The following DPYSL3 variants were observed in gnomAD, a reference collection of about 807,000 sequenced individuals.
DPYSL3 encodes dihydropyrimidinase like 3.
Under a neutral mutation model 66.1 loss-of-function variants are expected in DPYSL3, and 16 were observed. The observed-to-expected ratio is 0.24, with a 90% CI of 0.16 to 0.37. DPYSL3 has a LOEUF of 0.37. Ranked by LOEUF, DPYSL3 falls within the 10% of genes least tolerant of loss-of-function variation. The probability of loss-of-function intolerance (pLI) is 1.00; values close to 1 mark genes in which losing one functional copy is unlikely to be tolerated. For missense variants in DPYSL3, 738 were observed against 916.2 expected (o/e 0.81, Z 2.51); for synonymous variants, 338 against 345.1 (o/e 0.98, Z 0.23).
intron 1 of DPYSL3, among the ~76,000 whole-genome samples, chr5:147,459,235 T>C (rs1383107816): frequency 6.6e-6 from 1 of 152,140 alleles, no homozygotes; most frequent in Admixed American, 6.5e-5. Context: ...AAAAATACAT[T>C]TATATGTTGC....
chr5:147,447,444 G>A (rs1469332018), intron 1 of DPYSL3, among the ~76,000 whole-genome samples: 1 of 152,168 alleles, frequency 6.6e-6, no homozygotes, highest in African/African-American at 2.4e-5. Context: ...GAAAATACAG[G>A]AGTCGATTTC....
chr5:147,497,210 T>C (rs1486913123), intron 1 of DPYSL3, among the ~76,000 whole-genome samples: 1 of 122,104 alleles, frequency 8.2e-6, no homozygotes, highest in Non-Finnish European at 1.6e-5. Context: ...TAAGAACACA[T>C]GGACACAGGA....
intron 1 of DPYSL3, among the ~76,000 whole-genome samples, chr5:147,428,994 A>C (rs1338362446): frequency 6.6e-6 from 1 of 152,232 alleles, no homozygotes; most frequent in African/African-American, 2.4e-5. Flanking sequence ...TCAGTGATGA[A>C]TATGGCTCAG....
chr5:147,465,224 C>T (rs1752992487), intron 1 of DPYSL3, among the ~76,000 whole-genome samples: 1 of 152,178 alleles, frequency 6.6e-6, no homozygotes, highest in East Asian at 1.9e-4. Context: ...AAACAAAAAA[C>T]AAAACAACAA....
chr5:147,465,170 G>A (rs1752992078), intron 1 of DPYSL3, among the ~76,000 whole-genome samples: 1 of 152,120 alleles, frequency 6.6e-6, no homozygotes, highest in African/African-American at 2.4e-5. Flanking sequence ...CTCCAGCCTG[G>A]ACAAGAAAGT....
In DPYSL3 at chr5:147,504,073, C is replaced by T. The variant is rs546058866; in HGVS notation, c.381+5405G>A. Among the ~76,000 whole-genome samples the T allele has an allele frequency of 1.4e-4, 22 of 152,330 alleles. 2 individuals are homozygous for T. The highest frequency in any genetic ancestry group is 1.2e-3 in the Admixed American group (19 of 15,298). ...TTGCAGTCACAGATTGCATCCTCCT[C>T]AGACAGATTTCCTCTTCCTTGTAAG... is the stretch of plus-strand genomic sequence containing the variant. On this transcript the variant is annotated intron_variant, in intron 1 of 13. Transcript: ENST00000343218.
rs1318675516 is a variant in DPYSL3, at chr5:147,408,664, C to T, written c.1032+64G>A. ...AATACTGCAACCTGGTACTCACATT[C>T]TCGTCGCCTTTTAACAATGTTTATT... On this transcript the variant is annotated intron_variant, in intron 7 of 13. Transcript: ENST00000343218. 4 of 1,558,142 alleles carry T rather than the reference C, an allele frequency of 2.6e-6. No individual in the cohort carries two copies. In the African/African-American group the frequency reaches 5.4e-5, roughly 21 times the overall value.
chr5:147,509,206 G>A lies in DPYSL3; in HGVS notation c.381+272C>T, dbSNP rs1037437328. The stretch of plus-strand genomic sequence containing the variant: ...CCCAGACCGGATGGCCCAGGAGTGC[G>A]GCGAGGAGGCAGGGGCAAAGGACGC... On this transcript the variant is annotated intron_variant, in intron 1 of 13. Coordinates refer to ENST00000343218, the MANE Select transcript of DPYSL3 (RefSeq NM_001197294.2). The surrounding 1 kb of genome is among the most constrained non-coding windows in gnomAD (Gnocchi z 5.3). 6.6e-6 allele frequency among the ~76,000 whole-genome samples: 1 copy of A among 152,194 alleles called. No individual in the cohort carries two copies. The highest frequency in any genetic ancestry group is 2.4e-5 in the African/African-American group (1 of 41,448).
chr5:147,506,089 G>A (rs1753682187), intron 1 of DPYSL3, among the ~76,000 whole-genome samples: 1 of 152,086 alleles, frequency 6.6e-6, no homozygotes, highest in African/African-American at 2.4e-5. Flanking sequence ...TTTAGTATAG[G>A]CACACAGAAA....
At chr5:147,485,348 A>G (rs1318724578) in intron 1 of DPYSL3, among the ~76,000 whole-genome samples, 1 of 152,232 alleles carries the variant, frequency 6.6e-6, no homozygotes, top group Non-Finnish European at 1.5e-5. Flanking sequence ...TTTTTAAGCC[A>G]AAGAGCTGAT....
chr5:147,412,786 A>T, intron 5 of DPYSL3, 98 bp from the exon 6 acceptor site: 1 of 1,062,062 alleles, frequency 9.4e-7, no homozygotes, highest in Non-Finnish European at 1.4e-6. Context: ...GATGGGATAA[A>T]GCAGAGGAAA....
chr5:147,412,613 C>T lies in DPYSL3; in HGVS notation c.958G>A (p.Ala320Thr). 1 of 1,612,056 alleles carries T rather than the reference C, an allele frequency of 6.2e-7. No individual in the cohort carries two copies. The highest frequency in any genetic ancestry group is 8.5e-7 in the Non-Finnish European group (1 of 1,179,102). ...AGGGAGCTGCACGGTGTTACCTGGG[C>T]AATGATATCCCCATTCTCAGCATGA... ...QVHAENGDII[A>T]QEQTRMLEMG... The change falls in exon 6 of 14, where the codon GCC becomes ACC. Residue 320 changes from alanine to threonine, a missense_variant. Transcript: ENST00000343218.
Position 147,400,753 on chromosome 5 carries a change from G to T in DPYSL3, c.1391C>A (p.Ala464Asp). The T allele has an allele frequency of 6.2e-7, 1 of 1,614,192 alleles. No homozygotes were observed. The highest frequency in any genetic ancestry group is 1.1e-5 in the South Asian group (1 of 91,066). ...CACACCATTGGTGCCCTCAGGAATG[G>T]CTGTGAAGTTGTCCTTCCCAATTGC... is the stretch of plus-strand genomic sequence containing the variant. ...QKAIGKDNFT[A>D]IPEGTNGVEE... is the part of the protein sequence containing the mutation. The change falls in exon 10 of 14, where the codon GCC becomes GAC. Residue 464 changes from alanine to aspartate, a missense_variant. Transcript: ENST00000343218.
chr5:147,482,289 A>G (rs1753261743), intron 1 of DPYSL3, among the ~76,000 whole-genome samples: 1 of 152,224 alleles, frequency 6.6e-6, no homozygotes, highest in Non-Finnish European at 1.5e-5. Flanking sequence ...CACAATCTAT[A>G]GATTTGAGGA....
Position 147,397,830 on chromosome 5 carries a change from T to C in DPYSL3, c.1639A>G (p.Ile547Val). ...CCGCGCAGCTCCATCCCTTCAAAGA[T>C]GTTGTACTCTGCCGCCTAGAGGCAG... ...KNHQSAAEYN[I>V]FEGMELRGAP... Residue 547 changes from isoleucine (I) to valine (V), a missense_variant, in exon 12 of 14, where the codon ATC (isoleucine) becomes GTC (valine). Coordinates refer to ENST00000343218, the MANE Select transcript of DPYSL3 (RefSeq NM_001197294.2). 6.2e-6 allele frequency: 10 copies of C among 1,608,160 alleles called. No individual in the cohort carries two copies. The highest frequency in any genetic ancestry group is 8.5e-6 in the Non-Finnish European group (10 of 1,175,956).
At chr5:147,461,580 C>T (rs1752931852) in intron 1 of DPYSL3, among the ~76,000 whole-genome samples, 1 of 152,172 alleles carries the variant, frequency 6.6e-6, no homozygotes, top group Admixed American at 6.5e-5. Context: ...TCACCCCAGA[C>T]AACGATGCTG....
At chr5:147,462,771 C>T (rs1433324512) in intron 1 of DPYSL3, among the ~76,000 whole-genome samples, 1 of 152,026 alleles carries the variant, frequency 6.6e-6, no homozygotes, top group Non-Finnish European at 1.5e-5. Context: ...CCCTATGATT[C>T]AATGACTCCT....
At chr5:147,406,748 C>T (rs1417786220) in intron 7 of DPYSL3, among the ~76,000 whole-genome samples, 1 of 152,184 alleles carries the variant, frequency 6.6e-6, no homozygotes, top group Non-Finnish European at 1.5e-5. Context: ...ATTCAATTGG[C>T]AACACTTCAT....
intron 1 of DPYSL3, chr5:147,453,499 G>A: frequency 1.3e-6 from 2 of 1,509,198 alleles, no homozygotes; most frequent in South Asian, 2.5e-5. Flanking sequence ...CCGCAGCGCA[G>A]CGGACAGGGA....
Sources: allele counts gnomAD v4.1 joint callset (sites outside exome capture counted in the v4.1 genomes callset), GRCh38; gene constraint gnomAD v4.1.1; non-coding constraint Gnocchi (gnomAD v3.1); transcripts MANE v1.5; gene names NCBI Gene and HGNC (gene_info 2026-07-23, HGNC 2026-07-21).